NAV3: variants seen among roughly 807,000 people sequenced by gnomAD.
NAV3 encodes neuron navigator 3, also known as pore membrane and/or filament interacting like protein 1.
NAV3 carries 87 observed loss-of-function variants against 244.7 expected under a neutral mutation model. The ratio of observed to expected loss-of-function variants is 0.36; its 90% CI spans 0.30 to 0.42. NAV3 has a LOEUF of 0.42. Ranked by LOEUF, NAV3 falls within the 20% of genes least tolerant of loss-of-function variation. The pLI is 1.00. For synonymous variants in NAV3, 1,126 were observed against 1,042.2 expected (o/e 1.08, Z -1.55); for missense variants, 2,663 against 2,893.3 (o/e 0.92, Z 1.83).
intron 7 of NAV3, among the ~76,000 whole-genome samples, chr12:78,005,040 C>T (rs1477262464): frequency 2.0e-5 from 3 of 152,182 alleles, no homozygotes; most frequent in Non-Finnish European, 4.4e-5. Flanking sequence ...AGCACCTTCT[C>T]TTATGTCCCT....
chr12:77,821,449 C>G (rs529304427), intron 2 of NAV3, among the ~76,000 whole-genome samples: 77 of 152,282 alleles, frequency 5.1e-4, no homozygotes, highest in African/African-American at 1.8e-3. Flanking sequence ...TGCAATAAAG[C>G]AGGAGATGGT....
intron 2 of NAV3, among the ~76,000 whole-genome samples, chr12:77,757,752 A>G (rs1170939509): frequency 6.6e-6 from 1 of 152,082 alleles, no homozygotes; most frequent in African/African-American, 2.4e-5. Context: ...CAAATTATTA[A>G]TTTTCTTGGA....
chr12:78,101,734 C>T (rs985515068), intron 12 of NAV3, among the ~76,000 whole-genome samples: 1 of 152,090 alleles, frequency 6.6e-6, no homozygotes, highest in African/African-American at 2.4e-5. Flanking sequence ...ACAGGTAATG[C>T]ACTGTGTTTG....
chr12:77,591,178 T>C (rs768703590), intron 2 of NAV3, among the ~76,000 whole-genome samples: 1 of 152,228 alleles, frequency 6.6e-6, no homozygotes, highest in Non-Finnish European at 1.5e-5. Flanking sequence ...ATTTGTCTTC[T>C]TAATAAATTC....
chr12:77,719,738 TAA>T (rs1290284181), intron 2 of NAV3, among the ~76,000 whole-genome samples: 3 of 152,162 alleles, frequency 2.0e-5, no homozygotes, highest in African/African-American at 7.2e-5. Flanking sequence ...TATTCAGTGA[TAA>T]TGACCTGTAG....
intron 2 of NAV3, among the ~76,000 whole-genome samples, chr12:77,574,198 A>G (rs2136651200): frequency 6.6e-6 from 1 of 152,268 alleles, no homozygotes; most frequent in South Asian, 2.1e-4. Flanking sequence ...CAAGAGTGGA[A>G]AATGGAGTTC....
intron 34 of NAV3, among the ~76,000 whole-genome samples, chr12:78,191,013 G>A (rs1303142543): frequency 6.6e-6 from 1 of 152,048 alleles, no homozygotes; most frequent in East Asian, 1.9e-4. Context: ...ACTATTATAA[G>A]CAATACCTTG....
intron 1 of NAV3, among the ~76,000 whole-genome samples, chr12:77,833,111 C>T (rs889137632): frequency 6.6e-6 from 1 of 152,134 alleles, no homozygotes; most frequent in Non-Finnish European, 1.5e-5. Context: ...CCCCACCATT[C>T]CTCCTTCCCA....
intron 12 of NAV3, among the ~76,000 whole-genome samples, chr12:78,115,421 C>A (rs1955326160): frequency 6.6e-6 from 1 of 152,136 alleles, no homozygotes; most frequent in African/African-American, 2.4e-5. Context: ...TGTGGTCCAC[C>A]TTTTCATTGT....
chr12:77,908,259 A>G (rs537134819), intron 1 of NAV3, among the ~76,000 whole-genome samples: 31 of 152,106 alleles, frequency 2.0e-4, no homozygotes, highest in Non-Finnish European at 4.0e-4. Context: ...TAAATATTAA[A>G]CTCACTGTAT....
At chr12:78,100,850 CT>C (rs1954502119) in intron 12 of NAV3, among the ~76,000 whole-genome samples, 1 of 152,038 alleles carries the variant, frequency 6.6e-6, no homozygotes, top group Non-Finnish European at 1.5e-5. Context: ...GTGAAATACC[CT>C]TTTTGACAAT....
intron 2 of NAV3, among the ~76,000 whole-genome samples, chr12:77,801,557 T>A (rs1041684563): frequency 6.6e-6 from 1 of 152,184 alleles, no homozygotes; most frequent in African/African-American, 2.4e-5. Context: ...TAATAATATG[T>A]CTTTTCATTC....
chr12:77,787,644 C>T (rs1870967643), intron 2 of NAV3, among the ~76,000 whole-genome samples: 1 of 152,114 alleles, frequency 6.6e-6, no homozygotes, highest in African/African-American at 2.4e-5. Flanking sequence ...GGGAAGCTGC[C>T]CCCGTGATTC....
At chr12:78,091,848 T>G (rs967516202) in intron 12 of NAV3, 1 of 151,740 alleles carries the variant, frequency 6.6e-6, no homozygotes, top group Admixed American at 6.6e-5. Context: ...CTTGTGCAAT[T>G]TCTCCTTTTC....
At chr12:78,191,653 T>C (rs1417632161) in intron 34 of NAV3, among the ~76,000 whole-genome samples, 1 of 152,170 alleles carries the variant, frequency 6.6e-6, no homozygotes, top group Non-Finnish European at 1.5e-5. Context: ...GGTAGAGTAT[T>C]TGGCTCTTCT....
chr12:77,940,738 C>T (rs1233545306), intron 2 of NAV3, among the ~76,000 whole-genome samples: 1 of 152,162 alleles, frequency 6.6e-6, no homozygotes, highest in African/African-American at 2.4e-5. Context: ...GTGTGTATTT[C>T]GTTAGCTGGA....
intron 36 of NAV3, 102 bp downstream of exon 36, chr12:78,198,778 T>C (rs1959273246): frequency 6.0e-6 from 5 of 830,456 alleles, no homozygotes; most frequent in Non-Finnish European, 7.8e-6. Context: ...TTTTTGTGGT[T>C]TGTTTTTCCA....
chr12:77,636,023 T>C (rs1872137221), intron 2 of NAV3, among the ~76,000 whole-genome samples: 1 of 152,220 alleles, frequency 6.6e-6, no homozygotes, highest in Non-Finnish European at 1.5e-5. Flanking sequence ...ACTTAATTGC[T>C]TTAATAAGTA....
At chr12:78,068,367 T>C (rs941292042) in intron 12 of NAV3, among the ~76,000 whole-genome samples, 10 of 151,226 alleles carry the variant, frequency 6.6e-5, no homozygotes, top group African/African-American at 2.2e-4. Context: ...AATTATTTAA[T>C]TTTTCCATTT....
Sources: allele counts gnomAD v4.1 joint callset (sites outside exome capture counted in the v4.1 genomes callset), GRCh38; gene constraint gnomAD v4.1.1; transcripts MANE v1.5; gene names NCBI Gene and HGNC (gene_info 2026-07-23, HGNC 2026-07-21).